Variants in PLEKHG1 observed in about 807,000 individuals in gnomAD.
The protein encoded by PLEKHG1 is pleckstrin homology and RhoGEF domain containing G1.
A neutral mutation model predicts 100.8 loss-of-function variants in PLEKHG1; 44 were observed. The observed-to-expected ratio is 0.44, with a 90% CI of 0.34 to 0.56. The LOEUF (loss-of-function observed/expected upper bound fraction) is 0.56, where lower values mean the gene tolerates loss of function less well. Ranked by LOEUF, PLEKHG1 falls within the 20% of genes least tolerant of loss-of-function variation. The pLI, the probability that PLEKHG1 is intolerant of heterozygous loss-of-function variation, is 0.01. For missense variants in PLEKHG1, 1,545 were observed against 1,720.9 expected, an observed-to-expected ratio of 0.90 and a Z score of 1.81; for synonymous variants, 640 against 662.5, an observed-to-expected ratio of 0.97 and a Z score of 0.52.
At chr6:150,669,166 C>T (rs1166032808) in intron 3 of PLEKHG1, among the ~76,000 whole-genome samples, 1 of 152,100 alleles carries the variant, frequency 6.6e-6, no homozygotes, top group East Asian at 1.9e-4. Flanking sequence ...TCAGGAAAGA[C>T]AAAAGGAGGC....
chr6:150,686,545 A>C (rs1780137156), intron 3 of PLEKHG1, among the ~76,000 whole-genome samples: 1 of 152,196 alleles, frequency 6.6e-6, no homozygotes, highest in South Asian at 2.1e-4. Context: ...AAGCATCGAG[A>C]ATGATCACTC....
At chr6:150,739,842 A>G (rs527964675) in intron 2 of PLEKHG1, among the ~76,000 whole-genome samples, 5 of 152,296 alleles carry the variant, frequency 3.3e-5, no homozygotes, top group South Asian at 4.1e-4. Flanking sequence ...TCGTTAGTCT[A>G]TGTGGACTCT....
At chr6:150,613,354 C>T (rs1776929803) in intron 1 of PLEKHG1, among the ~76,000 whole-genome samples, 1 of 152,198 alleles carries the variant, frequency 6.6e-6, no homozygotes, top group Non-Finnish European at 1.5e-5. Flanking sequence ...TGTATCAACA[C>T]CTAACCTAGG....
intron 3 of PLEKHG1, among the ~76,000 whole-genome samples, chr6:150,651,457 C>A (rs1169221862): frequency 1.3e-5 from 2 of 152,058 alleles, no homozygotes; most frequent in Non-Finnish European, 2.9e-5. Flanking sequence ...TGGTCATGAA[C>A]TCCTGACCTC....
At chr6:150,758,397 C>T (rs1397268876) in intron 2 of PLEKHG1, among the ~76,000 whole-genome samples, 1 of 151,120 alleles carries the variant, frequency 6.6e-6, no homozygotes, top group East Asian at 1.9e-4. Context: ...AGTGCAATGG[C>T]ACGATCTTGG....
At chr6:150,694,920 A>T (rs549062886) in intron 3 of PLEKHG1, among the ~76,000 whole-genome samples, 1 of 152,234 alleles carries the variant, frequency 6.6e-6, no homozygotes, top group South Asian at 2.1e-4. Flanking sequence ...ATTTTTATAC[A>T]TCTAAAGTTT....
exon 16 of PLEKHG1, chr6:150,843,251 T>C (rs1777610926): frequency 6.6e-6 from 1 of 152,214 alleles, no homozygotes; most frequent in Non-Finnish European, 1.5e-5. Flanking sequence ...CGTAAGTGGG[T>C]ATCTTACTGT....
At chr6:150,788,423 C>G (rs1441391373) in intron 4 of PLEKHG1, among the ~76,000 whole-genome samples, 1 of 152,156 alleles carries the variant, frequency 6.6e-6, no homozygotes, top group Non-Finnish European at 1.5e-5. Context: ...TTATCTGAAC[C>G]ACTGGGGCCT....
intron 3 of PLEKHG1, among the ~76,000 whole-genome samples, chr6:150,713,690 C>T (rs7761077): frequency 0.43 from 65,851 of 151,954 alleles, 14,623 homozygotes; most frequent in Middle Eastern, 0.52. Flanking sequence ...CTGCAAGCTA[C>T]ACTCCCTCCT....
chr6:150,683,774 C>T lies in PLEKHG1; in HGVS notation c.-99+32988C>T, dbSNP rs1780013114. ...CGTCTGAAGGAAAGATGGAGCCATTCTTGGTGGGGCGGAAGAGGCAGGAAA... is the reference window on the plus strand; with the variant it reads ...CGTCTGAAGGAAAGATGGAGCCATTTTTGGTGGGGCGGAAGAGGCAGGAAA... On this transcript the variant is annotated intron_variant, in intron 3 of 3. Coordinates refer to the PLEKHG1 transcript ENST00000367326. This position sits in a 1 kb window ranked among gnomAD's most constrained non-coding sequence, Gnocchi z 4.0. 1 of 1,287,810 alleles carries T rather than the reference C, an allele frequency of 7.8e-7. No individual in the cohort carries two copies. The highest frequency in any genetic ancestry group is 1.5e-5 in the African/African-American group (1 of 65,704). The allele number at this position is 1,287,810 out of a possible 1,614,324, so 79.8% of individuals were successfully genotyped here. A position where few individuals can be genotyped will look rare whatever the true frequency, so the allele number is the denominator to read the frequency against.
intron 3 of PLEKHG1, among the ~76,000 whole-genome samples, chr6:150,769,584 C>CAAAAAA (rs5880898): frequency 4.7e-5 from 3 of 64,248 alleles, no homozygotes; most frequent in Admixed American, 1.7e-4. Context: ...GACTCCATCT[C>CAAAAAA]AAAAAAAAAA....
intron 3 of PLEKHG1, among the ~76,000 whole-genome samples, chr6:150,688,736 G>A (rs1780235931): frequency 6.6e-6 from 1 of 152,112 alleles, no homozygotes; most frequent in South Asian, 2.1e-4. Flanking sequence ...TAAAAACATA[G>A]TAAAAACTAT....
chr6:150,817,503 G>A (rs151323927), intron 10 of PLEKHG1, among the ~76,000 whole-genome samples: 2,254 of 151,846 alleles, frequency 0.015, 32 homozygotes, highest in Non-Finnish European at 0.022. Flanking sequence ...ACCAGGCTCC[G>A]TGCCTTGAGC....
rs1183384211 is a variant in PLEKHG1, at chr6:150,781,886, C to T, written c.513-4504C>T. ...TCCCGGGTTCACGCCATTCTCCTGC[C>T]TCAGCCTCCCAAATAGCTGGGACTA... On this transcript the variant is annotated intron_variant, in intron 3 of 15. Coordinates refer to ENST00000358517, the Ensembl canonical transcript of PLEKHG1. Among the ~76,000 whole-genome samples, 4 of 151,850 alleles carry T rather than the reference C, an allele frequency of 2.6e-5. No homozygotes were observed. In the East Asian group the frequency reaches 7.9e-4, roughly 30 times the overall value.
chr6:150,802,271 G>T (rs947573215), intron 6 of PLEKHG1, among the ~76,000 whole-genome samples: 1 of 152,090 alleles, frequency 6.6e-6, no homozygotes, highest in East Asian at 1.9e-4. Context: ...AAATTGATCC[G>T]TATGACCTCT....
intron 1 of PLEKHG1, among the ~76,000 whole-genome samples, chr6:150,628,551 CA>C (rs1469699199): frequency 1.3e-5 from 2 of 149,258 alleles, no homozygotes; most frequent in Non-Finnish European, 3.0e-5. Context: ...CACACACACA[CA>C]CACACACACA....
exon 12 of PLEKHG1, chr6:150,819,766 G>T (rs759212963): frequency 6.3e-6 from 10 of 1,585,244 alleles, no homozygotes; most frequent in Non-Finnish European, 7.8e-6. Flanking sequence ...CGGCTGAGAA[G>T]AAAATCTGGT....
Position 150,809,640 on chromosome 6 carries a change from C to T in PLEKHG1, c.1192-8C>T. On this transcript the variant is annotated splice_polypyrimidine_tract_variant and splice_region_variant and intron_variant, in intron 9 of 15. Transcript: ENST00000358517. ...AGTTGTCTGACTGTCTACATCTCGT[C>T]TTGGCAGGCCAAATCCCAGCAAGAC... 6.2e-7 allele frequency: 1 copy of T among 1,612,272 alleles called. No homozygotes were observed. The highest frequency in any genetic ancestry group is 8.5e-7 in the Non-Finnish European group (1 of 1,178,544).
intron 3 of PLEKHG1, among the ~76,000 whole-genome samples, chr6:150,668,447 AC>A (rs1397043068): frequency 4.6e-5 from 7 of 152,226 alleles, no homozygotes; most frequent in Non-Finnish European, 1.0e-4. Flanking sequence ...GAGTTCTTCT[AC>A]AATAAAATTT....
Sources: allele counts gnomAD v4.1 joint callset (sites outside exome capture counted in the v4.1 genomes callset), GRCh38; gene constraint gnomAD v4.1.1; non-coding constraint Gnocchi (gnomAD v3.1); transcripts MANE v1.5; gene names NCBI Gene and HGNC (gene_info 2026-07-23, HGNC 2026-07-21).